Variants in SLC25A21 observed in about 807,000 individuals in gnomAD.
SLC25A21 encodes the protein solute carrier family 25 member 21, also known as mitochondrial 2-oxodicarboxylate carrier.
SLC25A21 carries 47 observed loss-of-function variants against 43.8 expected under a neutral mutation model. That is an observed-to-expected ratio of 1.07 (90% confidence interval 0.85 to 1.37). The LOEUF (loss-of-function observed/expected upper bound fraction) is 1.37, where lower values mean the gene tolerates loss of function less well. SLC25A21 is among the 40% of genes most tolerant of loss of function. SLC25A21 has a pLI of 0.00. For synonymous variants in SLC25A21, 131 were observed against 121.3 expected, an observed-to-expected ratio of 1.08 and a Z score of -0.52; for missense variants, 352 against 350.2, an observed-to-expected ratio of 1.00 and a Z score of -0.04.
intron 8 of SLC25A21, among the ~76,000 whole-genome samples, chr14:36,684,199 T>C (rs1882423187): frequency 6.6e-6 from 1 of 152,176 alleles, no homozygotes; most frequent in African/African-American, 2.4e-5. Flanking sequence ...TGTAATTGAA[T>C]TTAAAAGACC....
At chr14:37,052,993 A>G (rs1017536157) in intron 1 of SLC25A21, among the ~76,000 whole-genome samples, 1 of 152,212 alleles carries the variant, frequency 6.6e-6, no homozygotes, top group Non-Finnish European at 1.5e-5. Flanking sequence ...GAAGATTTCA[A>G]TATACGATTT....
At chr14:37,038,814 C>A (rs1168849790) in intron 1 of SLC25A21, among the ~76,000 whole-genome samples, 1 of 152,144 alleles carries the variant, frequency 6.6e-6, no homozygotes, top group Admixed American at 6.5e-5. Flanking sequence ...TACCAAGATT[C>A]TTGTGCCTAA....
At chr14:37,023,343 A>T (rs145261692) in intron 1 of SLC25A21, among the ~76,000 whole-genome samples, 136 of 152,126 alleles carry the variant, frequency 8.9e-4, no homozygotes, top group African/African-American at 3.0e-3. Flanking sequence ...TTAGGGCACA[A>T]TTGGACACCC....
intron 6 of SLC25A21, among the ~76,000 whole-genome samples, chr14:36,719,448 A>G (rs1884287957): frequency 5.3e-5 from 8 of 152,216 alleles, no homozygotes. Context: ...ATTTGGGTCT[A>G]TCCCAATTTT....
At chr14:36,911,417 T>G (rs1891683305) in intron 1 of SLC25A21, among the ~76,000 whole-genome samples, 1 of 152,186 alleles carries the variant, frequency 6.6e-6, no homozygotes, top group Non-Finnish European at 1.5e-5. Context: ...ACTGTTATTT[T>G]GGAGGTCCCC....
intron 2 of SLC25A21, among the ~76,000 whole-genome samples, chr14:36,824,329 A>C (rs2138466963): frequency 6.6e-6 from 1 of 152,228 alleles, no homozygotes. Flanking sequence ...GTTGAGGAAA[A>C]TTTCAAGGGA....
At chr14:37,029,758 C>CTTTT (rs57538608) in intron 1 of SLC25A21, among the ~76,000 whole-genome samples, 17 of 106,270 alleles carry the variant, frequency 1.6e-4, no homozygotes, top group South Asian at 5.7e-4. Context: ...TAATAGCCGA[C>CTTTT]TTTTTTTTTT....
At chr14:36,753,843 G>A (rs1179337645) in intron 3 of SLC25A21, among the ~76,000 whole-genome samples, 2 of 151,614 alleles carry the variant, frequency 1.3e-5, no homozygotes, top group African/African-American at 2.4e-5. Context: ...GGCTTCTGAT[G>A]AGGCACCTCT....
At chr14:37,159,215 G>A (rs1245929048) in intron 1 of SLC25A21, among the ~76,000 whole-genome samples, 21 of 148,440 alleles carry the variant, frequency 1.4e-4, no homozygotes, top group Non-Finnish European at 1.2e-4. Flanking sequence ...TCACGGAACA[G>A]AAAAAAAAAA....
intron 2 of SLC25A21, among the ~76,000 whole-genome samples, chr14:36,864,729 C>T (rs1055277176): frequency 3.3e-5 from 5 of 152,126 alleles, no homozygotes; most frequent in Admixed American, 6.5e-5. Context: ...GGTTCTACTC[C>T]TTGTTTGTTT....
At chr14:37,085,792 G>A (rs1359013025) in intron 1 of SLC25A21, among the ~76,000 whole-genome samples, 1 of 152,112 alleles carries the variant, frequency 6.6e-6, no homozygotes, top group Admixed American at 6.6e-5. Flanking sequence ...ACTTTGTTAA[G>A]TAGACTTCAA....
rs1890317446 is a variant in SLC25A21 at position 36,869,774 on chromosome 14, AC to A, written c.119+5181del. On this transcript the variant is annotated intron_variant, in intron 2 of 9. Transcript: ENST00000331299. ...TTAACAGTGGGACCCTCCCACACAC[AC>A]AATCTTGATTGAAAGATTCTTCATT... 2.0e-5 allele frequency among the ~76,000 whole-genome samples: 3 copies of A among 152,174 alleles called. No individual in the cohort carries two copies. The South Asian group carries it at 6.2e-4, about 32-fold the overall frequency.
chr14:37,167,235 C>CAA (rs1228151372), intron 1 of SLC25A21, among the ~76,000 whole-genome samples: 2 of 152,178 alleles, frequency 1.3e-5, no homozygotes, highest in Non-Finnish European at 2.9e-5. Context: ...TTCACTTGCG[C>CAA]AATTTGGCTT....
At chr14:36,959,131 C>T (rs8010750) in intron 1 of SLC25A21, among the ~76,000 whole-genome samples, 9 of 152,280 alleles carry the variant, frequency 5.9e-5, no homozygotes, top group African/African-American at 1.9e-4. Flanking sequence ...ATTTTGCTTT[C>T]AGTGGGTGTC....
intron 3 of SLC25A21, chr14:36,759,546 C>T (rs953936459): frequency 5.3e-5 from 8 of 152,128 alleles, no homozygotes; most frequent in South Asian, 2.1e-4. Flanking sequence ...TCTCCTTGGC[C>T]GAGATGATCT....
chr14:37,033,695 A>G lies in SLC25A21; in HGVS notation c.70+138586T>C, dbSNP rs561727868. Among the ~76,000 whole-genome samples the G allele has an allele frequency of 3.5e-4, 54 of 152,306 alleles. 1 individual carries two copies. The highest frequency in any genetic ancestry group is 1.1e-3 in the African/African-American group (47 of 41,568). On this transcript the variant is annotated intron_variant, in intron 1 of 9. Coordinates refer to ENST00000331299, the MANE Select transcript of SLC25A21 (RefSeq NM_030631.4). ...ATATTTATTCAAAGGATATTGATGGATATGAATATATTTTTATTCCCTCAG... is the reference window on the plus strand; with the variant it reads ...ATATTTATTCAAAGGATATTGATGGGTATGAATATATTTTTATTCCCTCAG...
At chr14:36,719,803 G>C (rs991634089) in intron 6 of SLC25A21, among the ~76,000 whole-genome samples, 4 of 152,122 alleles carry the variant, frequency 2.6e-5, no homozygotes, top group Non-Finnish European at 5.9e-5. Context: ...GGCTAAACTG[G>C]GCAGGAGGCA....
At chr14:36,707,426 G>A (rs1883621976) in intron 7 of SLC25A21, among the ~76,000 whole-genome samples, 1 of 152,136 alleles carries the variant, frequency 6.6e-6, no homozygotes, top group Admixed American at 6.6e-5. Context: ...AAAGCCAGGA[G>A]TCATACTCAG....
intron 2 of SLC25A21, among the ~76,000 whole-genome samples, chr14:36,859,191 G>T (rs567854626): frequency 6.6e-6 from 1 of 152,260 alleles, no homozygotes; most frequent in East Asian, 1.9e-4. Context: ...AAAAGAAAAT[G>T]CTTAGGATAC....
Sources: gnomAD v4.1 joint callset for allele counts (sites outside exome capture counted in the v4.1 genomes callset) on GRCh38, gnomAD v4.1.1 for gene constraint, MANE v1.5 for transcripts, NCBI Gene and HGNC (gene_info 2026-07-23, HGNC 2026-07-21) for gene names.